YLPM1: variants seen among roughly 807,000 people sequenced by gnomAD.
YLPM1 encodes the protein YLP motif-containing protein 1.
Under a neutral mutation model 230.0 loss-of-function variants are expected in YLPM1, and 99 were observed. The ratio of observed to expected loss-of-function variants is 0.43; its 90% CI spans 0.37 to 0.51. The LOEUF (loss-of-function observed/expected upper bound fraction) is 0.51, where lower values mean the gene tolerates loss of function less well. Ranked by LOEUF, YLPM1 falls within the 20% of genes least tolerant of loss-of-function variation. The pLI, the probability that YLPM1 is intolerant of heterozygous loss-of-function variation, is 0.00. For synonymous variants in YLPM1, 984 were observed against 942.5 expected, an observed-to-expected ratio of 1.04 and a Z score of -0.81; for missense variants, 2,592 against 2,707.7, an observed-to-expected ratio of 0.96 and a Z score of 0.95.
intron 15 of YLPM1, 142 bp from the exon 16 acceptor site, chr14:74,818,089 C>T: frequency 3.0e-6 from 1 of 336,436 alleles, no homozygotes; most frequent in Non-Finnish European, 4.9e-6. Context: ...TTAGACTTTA[C>T]AATATTAAAT....
Position 74,797,958 on chromosome 14 carries a change from T to C in YLPM1, c.2661T>C (p.Ala887=). The C allele has an allele frequency of 6.2e-7, 1 of 1,613,896 alleles. No individual in the cohort carries two copies. The highest frequency in any genetic ancestry group is 1.3e-5 in the African/African-American group (1 of 74,996). Residue 887 remains alanine, a synonymous_variant, in exon 5 of 21, where the codon GCT becomes GCC. Coordinates refer to ENST00000325680, the MANE Select transcript of YLPM1 (RefSeq NM_019589.3). Reference sequence around the variant, plus strand: ...TGCAATCAGCTGCATTTTCCATTGCTGCAGATGTAAAGGATGTCAAGGCGG... The same window carrying C: ...TGCAATCAGCTGCATTTTCCATTGCCGCAGATGTAAAGGATGTCAAGGCGG... ...FKMQSAAFSI[A]ADVKDVKAAQ...
intron 11 of YLPM1, among the ~76,000 whole-genome samples, chr14:74,813,136 C>T (rs17183194): frequency 0.14 from 20,651 of 152,106 alleles, 1,579 homozygotes; most frequent in South Asian, 0.3. Flanking sequence ...CTAGTGACCT[C>T]CAAATGTGCG....
chr14:74,797,902 A>G lies in YLPM1; in HGVS notation c.2605A>G (p.Thr869Ala). Reference sequence around the variant, plus strand: ...AGGAAACAAAGAACCATTAGCAGACACCAGTAGTAACCAGCAGAAGAATTT... The same window carrying G: ...AGGAAACAAAGAACCATTAGCAGACGCCAGTAGTAACCAGCAGAAGAATTT... Reference protein sequence around the residue: ...LSGNKEPLADTSSNQQKNFKM... With the variant: ...LSGNKEPLADASSNQQKNFKM... Residue 869 changes from threonine to alanine, a missense_variant, in exon 5 of 21, where the codon ACC becomes GCC. Physicochemically the swap from Thr to Ala is moderately conservative, Grantham distance 58 (BLOSUM62 0). Around this residue, in one of 4 missense-constraint regions of YLPM1, gnomAD observed 1,862 missense variants for 1,819.8 expected, o/e 1.02. Coordinates refer to ENST00000325680, the MANE Select transcript of YLPM1 (RefSeq NM_019589.3). 1 of 1,613,954 alleles carries G rather than the reference A, an allele frequency of 6.2e-7. No individual in the cohort carries two copies. The highest frequency in any genetic ancestry group is 2.2e-5 in the East Asian group (1 of 44,884).
In YLPM1 at chr14:74,789,437, G is replaced by A. The variant is rs1298528067; in HGVS notation, c.2282+7112G>A. On this transcript the variant is annotated intron_variant, in intron 4 of 20. Transcript: ENST00000325680. ...TCACTGTTTTGGCCAGGCTGGTCTC[G>A]AACTCCTGACCTCAGGTGATCCATC... Among the ~76,000 whole-genome samples the A allele has an allele frequency of 5.9e-5, 9 of 151,550 alleles. No homozygotes were observed. In the East Asian group the frequency reaches 1.4e-3, roughly 23 times the overall value.
At chr14:74,791,970 T>A (rs1009669704) in intron 4 of YLPM1, among the ~76,000 whole-genome samples, 3 of 152,234 alleles carry the variant, frequency 2.0e-5, no homozygotes, top group Admixed American at 1.3e-4. Flanking sequence ...AAGATAGTCT[T>A]CTTTTATCAC....
In YLPM1 at chr14:74,772,149, G is replaced by A. The variant is rs111528259; in HGVS notation, c.874-6298G>A. ...AGTTCTCCACTTGGAAAATCATTTA[G>A]TATCTAGTTCATTACTAGCAGCAGT... On this transcript the variant is annotated intron_variant, in intron 1 of 20. Transcript: ENST00000325680. Among the ~76,000 whole-genome samples, 718 of 151,478 alleles carry A rather than the reference G, an allele frequency of 4.7e-3. 6 individuals carry two copies. Among genetic ancestry groups the A allele is most frequent in the African/African-American group, 0.015 (630 of 41,264 alleles).
chr14:74,769,914 G>A (rs2090959779), intron 1 of YLPM1, among the ~76,000 whole-genome samples: 1 of 147,750 alleles, frequency 6.8e-6, no homozygotes, highest in Admixed American at 6.8e-5. Flanking sequence ...CGGGCGCAGT[G>A]GCTCACGCCT....
chr14:74,801,860 GA>G (rs2091329199), intron 5 of YLPM1, among the ~76,000 whole-genome samples: 3 of 152,300 alleles, frequency 2.0e-5, no homozygotes, highest in Admixed American at 6.5e-5. Flanking sequence ...GCCACATTTT[GA>G]AAACCTTTTT....
rs776865505 is a variant in YLPM1, at chr14:74,835,907, A to G, written c.*169A>G. 6.6e-6 allele frequency: 3 copies of G among 455,660 alleles called. No individual in the cohort carries two copies. The highest frequency in any genetic ancestry group is 4.7e-5 in the Admixed American group (2 of 42,446). 28.2% of individuals were successfully genotyped at this position (455,660 alleles called of 1,614,324 possible). ...TTTAAAGTTCTCCAGTGTCCCCAAG[A>G]GGTATTAGAATCTTGCTGTACCCAA... On this transcript the variant is annotated 3_prime_UTR_variant, in exon 21 of 21. Transcript: ENST00000325680.
At chr14:74,788,283 G>T (rs1869764037) in intron 4 of YLPM1, among the ~76,000 whole-genome samples, 1 of 152,026 alleles carries the variant, frequency 6.6e-6, no homozygotes, top group Admixed American at 6.6e-5. Flanking sequence ...GCCACGCCTG[G>T]CTAATTTTTT....
At chr14:74,803,111 A>AT (rs1009779314) in intron 6 of YLPM1, among the ~76,000 whole-genome samples, 6 of 151,806 alleles carry the variant, frequency 4.0e-5, no homozygotes, top group African/African-American at 1.2e-4. Context: ...AAAAAAAAAA[A>AT]GTCCTGTTTT....
chr14:74,763,379 G>A lies in YLPM1; in HGVS notation c.-111G>A. On this transcript the variant is annotated 5_prime_UTR_variant, in exon 1 of 21. Coordinates refer to ENST00000325680, the MANE Select transcript of YLPM1 (RefSeq NM_019589.3). ...CTGGCGCGCTCCGTTTACACGCTCC[G>A]GGGCCTGTAGGCGCCGCGAGTTCCG... is the stretch of plus-strand genomic sequence containing the variant. The A allele has an allele frequency of 1.5e-6, 2 of 1,318,188 alleles. No homozygotes were observed. Among genetic ancestry groups the A allele is most frequent in the South Asian group, 2.0e-5 (1 of 50,614 alleles). The allele number at this position is 1,318,188 out of a possible 1,614,324, so 81.7% of individuals were successfully genotyped here. A position where few individuals can be genotyped will look rare whatever the true frequency, so the allele number is the denominator to read the frequency against.
chr14:74,791,277 CA>C (rs577957355), intron 4 of YLPM1, among the ~76,000 whole-genome samples: 10 of 149,586 alleles, frequency 6.7e-5, no homozygotes, highest in East Asian at 5.9e-4. Flanking sequence ...CAGAAAAGGA[CA>C]AAAAAAAATC....
intron 4 of YLPM1, 57 bp downstream of exon 4, chr14:74,782,382 T>A (rs1594815372): frequency 7.4e-6 from 11 of 1,480,892 alleles, no homozygotes; most frequent in Non-Finnish European, 9.8e-6. Context: ...TGACTTAGGC[T>A]ATTTGGTTCT....
chr14:74,778,623 G>C lies in YLPM1; in HGVS notation c.1050G>C (p.Glu350Asp). The C allele has an allele frequency of 2.5e-6, 4 of 1,593,776 alleles. No homozygotes were observed. Among genetic ancestry groups the C allele is most frequent in the Non-Finnish European group, 3.4e-6 (4 of 1,170,550 alleles). Residue 350 changes from glutamate to aspartate, a missense_variant, in exon 2 of 21, where the codon GAG becomes GAC. Glu to Asp is a conservative substitution (Grantham distance 45). Around this residue, in one of 4 missense-constraint regions of YLPM1, gnomAD observed 1,862 missense variants for 1,819.8 expected, o/e 1.02. Coordinates refer to ENST00000325680, the MANE Select transcript of YLPM1 (RefSeq NM_019589.3). Reference protein sequence around the residue: ...SQVPESPSSEEPPLPPPNEEV... With the variant: ...SQVPESPSSEDPPLPPPNEEV... The stretch of plus-strand genomic sequence containing the variant: ...TTCCAGAATCTCCTTCTTCTGAGGA[G>C]CCCCCATTGCCACCTCCAAATGAGG...
Position 74,764,343 on chromosome 14 carries a change from C to T in YLPM1, c.854C>T (p.Pro285Leu). The change falls in exon 1 of 21, where the codon CCC becomes CTC. Residue 285 changes from proline (P) to leucine (L), a missense_variant. Around this residue, in one of 4 missense-constraint regions of YLPM1, gnomAD observed 1,862 missense variants for 1,819.8 expected, o/e 1.02. Coordinates refer to ENST00000325680, the MANE Select transcript of YLPM1 (RefSeq NM_019589.3). Reference sequence around the variant, plus strand: ...CAGCAAGCCGCCCCTGAGCCAGATCCCTCTACGATGACTCCACAGGTAAGA... The same window carrying T: ...CAGCAAGCCGCCCCTGAGCCAGATCTCTCTACGATGACTCCACAGGTAAGA... ...EQQQAAPEPDPSTMTPQEQQQ... is the reference protein window; with the variant it reads ...EQQQAAPEPDLSTMTPQEQQQ... 6.2e-7 allele frequency: 1 copy of T among 1,610,968 alleles called. No homozygotes were observed. Among genetic ancestry groups the T allele is most frequent in the Non-Finnish European group, 8.5e-7 (1 of 1,178,302 alleles).
At chr14:74,784,934 CACTT>C (rs1310886380) in intron 4 of YLPM1, among the ~76,000 whole-genome samples, 148 of 152,358 alleles carry the variant, frequency 9.7e-4, no homozygotes, top group Non-Finnish European at 2.5e-4. Context: ...TCAGAATGAA[CACTT>C]ACTTCAGATG....
In YLPM1 at chr14:74,763,679, C is replaced by T. The variant is rs1186809853; in HGVS notation, c.190C>T (p.Leu64=). 3.2e-6 allele frequency: 5 copies of T among 1,575,168 alleles called. No individual in the cohort carries two copies. The highest frequency in any genetic ancestry group is 3.4e-4 in the Middle Eastern group (2 of 5,922). ...ACAGCACTTGGCGCAGCTCCAGCAG[C>T]TGCAGCAGATGCACCAGAAGCAAAT... ...REQHLAQLQQ[L]QQMHQKQMQC... The change falls in exon 1 of 21, where the codon CTG becomes TTG. Residue 64 remains leucine, a synonymous_variant. Transcript: ENST00000325680.
intron 4 of YLPM1, among the ~76,000 whole-genome samples, chr14:74,784,626 AG>A (rs1187373588): frequency 2.0e-5 from 3 of 152,244 alleles, no homozygotes; most frequent in African/African-American, 7.2e-5. Context: ...CTGCCATATA[AG>A]GCATTGATTC....
Sources: allele counts gnomAD v4.1 joint callset (sites outside exome capture counted in the v4.1 genomes callset), GRCh38; gene constraint gnomAD v4.1.1; regional missense constraint gnomAD v4.1.1; transcripts MANE v1.5; gene names NCBI Gene and HGNC (gene_info 2026-07-23, HGNC 2026-07-21).